Variants in ZBP1 observed in about 807,000 individuals in gnomAD.
The protein encoded by ZBP1 is Z-DNA-binding protein 1.
A neutral mutation model predicts 41.1 loss-of-function variants in ZBP1; 42 were observed. The observed-to-expected ratio is 1.02, with a 90% CI of 0.80 to 1.32. ZBP1 has a LOEUF of 1.32. Ranked by LOEUF, ZBP1 falls within the 40% of genes most tolerant of loss-of-function variation. ZBP1 has a pLI of 0.00. For synonymous variants in ZBP1, 214 were observed against 205.2 expected (o/e 1.04, Z -0.37); for missense variants, 562 against 549.7 (o/e 1.02, Z -0.22).
rs1181667625 is a variant in ZBP1, at chr20:57,613,960, G to T, written c.503-630C>A. Among the ~76,000 whole-genome samples, 2 of 152,202 alleles carry T rather than the reference G, an allele frequency of 1.3e-5. No homozygotes were observed. Among genetic ancestry groups the T allele is most frequent in the Non-Finnish European group, 2.9e-5 (2 of 68,046 alleles). On this transcript the variant is annotated intron_variant, in intron 4 of 7. Transcript: ENST00000371173. This position sits in a 1 kb window ranked among gnomAD's most constrained non-coding sequence, Gnocchi z 4.5. The stretch of plus-strand genomic sequence containing the variant: ...GGTCTCAGCTCCTGTGCCTTTGTGG[G>T]CCCTTCCCCCATACACAAATATTTA...
chr20:57,603,928 C>G lies in ZBP1; in HGVS notation c.*645G>C, dbSNP rs1464285974. The G allele has an allele frequency of 1.2e-5, 2 of 166,868 alleles. No homozygotes were observed. The highest frequency in any genetic ancestry group is 4.8e-5 in the African/African-American group (2 of 41,590). 10.3% of individuals were successfully genotyped at this position (166,868 alleles called of 1,614,324 possible). A position where few individuals can be genotyped will look rare whatever the true frequency, so the allele number is the denominator to read the frequency against. On this transcript the variant is annotated 3_prime_UTR_variant, in exon 8 of 8. Coordinates refer to ENST00000371173, the MANE Select transcript of ZBP1 (RefSeq NM_030776.3). The surrounding 1 kb of genome is among the most constrained non-coding windows in gnomAD (Gnocchi z 4.6). ...TGTCGCCCAGCCTGGAGTGCAGTGGCGCGATCTCGGCTCACTGGAAGCTCC... is the reference window on the plus strand; with the variant it reads ...TGTCGCCCAGCCTGGAGTGCAGTGGGGCGATCTCGGCTCACTGGAAGCTCC...
rs1040608156 is a variant in ZBP1 at position 57,610,864 on chromosome 20, C to G, written c.875-497G>C. On this transcript the variant is annotated intron_variant, in intron 6 of 7. Transcript: ENST00000371173. The surrounding 1 kb of genome is among the most constrained non-coding windows in gnomAD (Gnocchi z 5.5). ...GCTCCCTGGCCCCCAGAAACCACCC[C>G]CTCAAGGTTACCACGATCCCTCTCG... Among the ~76,000 whole-genome samples, 1 of 151,940 alleles carries G rather than the reference C, an allele frequency of 6.6e-6. No homozygotes were observed. The highest frequency in any genetic ancestry group is 1.5e-5 in the Non-Finnish European group (1 of 67,966).
At chr20:57,617,359 A>G (rs2070868777) in intron 1 of ZBP1, 1 of 152,414 alleles carries the variant, frequency 6.6e-6, no homozygotes, top group Non-Finnish European at 1.5e-5. Context: ...CTCAGATGCC[A>G]CTTCCTAGGG....
chr20:57,616,898 C>T (rs2070851622), intron 1 of ZBP1: 3 of 201,642 alleles, frequency 1.5e-5, no homozygotes, highest in South Asian at 1.6e-4. Flanking sequence ...TGATGCCCAT[C>T]GCCATCCTCC....
chr20:57,604,570 G>T lies in ZBP1; in HGVS notation c.*3C>A, dbSNP rs762134326. 6.2e-7 allele frequency: 1 copy of T among 1,612,638 alleles called. No individual in the cohort carries two copies. ...GTGTCCAAGCCCCACGTGAGGCTGT[G>T]CACTAAATCCCACCTCCCCACCAGC... On this transcript the variant is annotated 3_prime_UTR_variant, in exon 8 of 8. Transcript: ENST00000371173.
chr20:57,604,819 A>G (rs8118279), intron 7 of ZBP1, 50 bp from the exon 8 acceptor site: 479,705 of 1,552,864 alleles, frequency 0.31, 76,292 homozygotes, highest in African/African-American at 0.49. Context: ...TGGCCTGGGC[A>G]TTTCCACAGG....
In ZBP1 at chr20:57,610,973, C is replaced by T. The variant is rs2070651438; in HGVS notation, c.875-606G>A. ...TTCCCGGGGCCTCTGCTTTCCTCCT[C>T]CCTCTCTGGCTTCTCTGCTGGTTCT... is the stretch of plus-strand genomic sequence containing the variant. On this transcript the variant is annotated intron_variant, in intron 6 of 7. Coordinates refer to ENST00000371173, the MANE Select transcript of ZBP1 (RefSeq NM_030776.3). This position sits in a 1 kb window ranked among gnomAD's most constrained non-coding sequence, Gnocchi z 5.5. 1.3e-5 allele frequency among the ~76,000 whole-genome samples: 2 copies of T among 152,192 alleles called. 1 individual carries two copies. Among genetic ancestry groups the T allele is most frequent in the Admixed American group, 1.3e-4 (2 of 15,276 alleles).
At chr20:57,605,932 C>T (rs1333153006) in intron 7 of ZBP1, among the ~76,000 whole-genome samples, 1 of 151,664 alleles carries the variant, frequency 6.6e-6, no homozygotes, top group Non-Finnish European at 1.5e-5. Flanking sequence ...AAAACTCCAT[C>T]TCAAAAATAA....
chr20:57,615,666 G>T (rs531704614), intron 2 of ZBP1, 86 bp from the exon 3 acceptor site: 273 of 1,221,216 alleles, frequency 2.2e-4, no homozygotes, highest in Non-Finnish European at 3.1e-4. Context: ...GCTCCCTAGG[G>T]GTAAGTGGCA....
At chr20:57,616,594 G>A (rs1184931771) in intron 1 of ZBP1, 126 bp from the exon 2 acceptor site, 5 of 915,636 alleles carry the variant, frequency 5.5e-6, no homozygotes, top group Non-Finnish European at 8.2e-6. Flanking sequence ...CAGAGGAAAG[G>A]GCAAGGACCC....
chr20:57,612,124 G>A (rs6025665), intron 5 of ZBP1, among the ~76,000 whole-genome samples, 194 bp from the exon 6 acceptor site: 1 of 152,132 alleles, frequency 6.6e-6, no homozygotes, highest in Non-Finnish European at 1.5e-5. Flanking sequence ...TGAGTTCTCA[G>A]GAGCGGGGCT....
chr20:57,619,923 A>G (rs1600751693), intron 1 of ZBP1, among the ~76,000 whole-genome samples: 1 of 142,758 alleles, frequency 7.0e-6, no homozygotes, highest in Non-Finnish European at 1.5e-5. Context: ...TACAACTTCC[A>G]CCTCCCGGGT....
intron 7 of ZBP1, among the ~76,000 whole-genome samples, chr20:57,607,484 T>C (rs1170763709): frequency 6.6e-6 from 1 of 152,202 alleles, no homozygotes; most frequent in Admixed American, 6.5e-5. Context: ...ATTCTTGAAA[T>C]GACAACAAAG....
Position 57,613,058 on chromosome 20 carries a change from G to A in ZBP1, c.670+105C>T. ...GTCTGGAAGCAACCCTTTCCCCTTG[G>A]AGGGCAGAATCCCCCCACTCCCCAT... On this transcript the variant is annotated intron_variant, in intron 5 of 7. Coordinates refer to ENST00000371173, the MANE Select transcript of ZBP1 (RefSeq NM_030776.3). This position sits in a 1 kb window ranked among gnomAD's most constrained non-coding sequence, Gnocchi z 4.5. 2 of 1,550,458 alleles carry A rather than the reference G, an allele frequency of 1.3e-6. No homozygotes were observed. The highest frequency in any genetic ancestry group is 1.7e-6 in the Non-Finnish European group (2 of 1,147,196).
At chr20:57,604,892 G>T in intron 7 of ZBP1, 123 bp from the exon 8 acceptor site, 1 of 978,532 alleles carries the variant, frequency 1.0e-6, no homozygotes, top group Non-Finnish European at 1.5e-6. Flanking sequence ...CTTTAGATTT[G>T]TACAAAGTCT....
intron 1 of ZBP1, among the ~76,000 whole-genome samples, chr20:57,619,228 C>T (rs1441140197): frequency 6.6e-6 from 1 of 152,164 alleles, no homozygotes; most frequent in Non-Finnish European, 1.5e-5. Flanking sequence ...ATTAGCCCTC[C>T]CGGGGCACAC....
At chr20:57,605,140 A>AAAACC (rs367968094) in intron 7 of ZBP1, among the ~76,000 whole-genome samples, 3 of 151,854 alleles carry the variant, frequency 2.0e-5, no homozygotes, top group Non-Finnish European at 2.9e-5. Context: ...AAAACAAAAC[A>AAAACC]AAAACCATTC....
intron 3 of ZBP1, 40 bp downstream of exon 3, chr20:57,615,472 T>C (rs114492237): frequency 2.5e-6 from 4 of 1,605,704 alleles, no homozygotes; most frequent in Non-Finnish European, 1.7e-6. Flanking sequence ...GGGAGTGGGA[T>C]CCTGTGTCCC....
At position 57,610,222 on chromosome 20, in the gene ZBP1, C is replaced by T. The variant is rs2070619876; in HGVS notation, c.1020G>A (p.Met340Ile). The T allele has an allele frequency of 6.2e-7, 1 of 1,614,186 alleles. No individual in the cohort carries two copies. Among genetic ancestry groups the T allele is most frequent in the Non-Finnish European group, 8.5e-7 (1 of 1,180,016 alleles). ...EDATIGNSNK[M>I]SISPGVAGPG... ...GGCCAGCCACCCCTGGGCTGATAGA[C>T]ATTTTGTTGCTGTTGCCGATGGTGG... Residue 340 changes from methionine (M) to isoleucine (I), a missense_variant, in exon 7 of 8, where the codon ATG becomes ATA. Transcript: ENST00000371173. The surrounding 1 kb of genome is among the most constrained non-coding windows in gnomAD (Gnocchi z 5.5).
Sources: gnomAD v4.1 joint callset for allele counts (sites outside exome capture counted in the v4.1 genomes callset) on GRCh38, gnomAD v4.1.1 for gene constraint, Gnocchi (gnomAD v3.1) non-coding constraint, MANE v1.5 for transcripts, NCBI Gene and HGNC (gene_info 2026-07-23, HGNC 2026-07-21) for gene names.